Variants in CORO1C observed in about 807,000 individuals in gnomAD.
The protein encoded by CORO1C is coronin 1C.
A neutral mutation model predicts 51.2 loss-of-function variants in CORO1C; 14 were observed. The ratio of observed to expected loss-of-function variants is 0.27; its 90% CI spans 0.18 to 0.43. The LOEUF (loss-of-function observed/expected upper bound fraction) is 0.43. Among genes scored for constraint, CORO1C ranks in the 20% least tolerant of loss-of-function variants. CORO1C has a pLI of 1.00. For missense variants in CORO1C, 417 were observed against 607.8 expected, an observed-to-expected ratio of 0.69 and a Z score of 3.30; for synonymous variants, 181 against 210.5, an observed-to-expected ratio of 0.86 and a Z score of 1.21.
intron 6 of CORO1C, among the ~76,000 whole-genome samples, chr12:108,657,057 T>TAA (rs139589616): frequency 1.3e-5 from 2 of 151,544 alleles, no homozygotes; most frequent in East Asian, 3.9e-4. Flanking sequence ...AAATTAAAAT[T>TAA]AAAAAAAATT....
intron 2 of CORO1C, among the ~76,000 whole-genome samples, chr12:108,690,967 G>A (rs1420231061): frequency 3.3e-5 from 5 of 152,156 alleles, no homozygotes; most frequent in Admixed American, 3.3e-4. Context: ...CTCTGTGAAC[G>A]CTGAAGAGCT....
intron 2 of CORO1C, among the ~76,000 whole-genome samples, chr12:108,697,936 C>A (rs773677935): frequency 6.6e-6 from 1 of 152,184 alleles, no homozygotes; most frequent in African/African-American, 2.4e-5. Flanking sequence ...ATAAGGTAGA[C>A]ATCAAGAAGG....
chr12:108,724,686 A>T (rs1336737723), intron 1 of CORO1C, among the ~76,000 whole-genome samples: 2 of 152,182 alleles, frequency 1.3e-5, no homozygotes, highest in African/African-American at 2.4e-5. Flanking sequence ...GCCAAATATA[A>T]TCCATTATTC....
chr12:108,712,907 T>G (rs2136878309), intron 1 of CORO1C, among the ~76,000 whole-genome samples: 1 of 115,886 alleles, frequency 8.6e-6, no homozygotes, highest in South Asian at 3.4e-4. Flanking sequence ...CAAGATCATG[T>G]CTCTTTAAAA....
chr12:108,727,285 G>A (rs141754823), intron 1 of CORO1C, among the ~76,000 whole-genome samples: 23 of 152,354 alleles, frequency 1.5e-4, no homozygotes, highest in African/African-American at 5.5e-4. Flanking sequence ...ACAAATGTCT[G>A]CCTGTGAGAT....
chr12:108,702,913 T>G lies in CORO1C; in HGVS notation c.-5-1590A>C, dbSNP rs756699217. The G allele has an allele frequency of 4.5e-4, 694 of 1,535,510 alleles. 1 individual carries two copies. The highest frequency in any genetic ancestry group is 5.7e-4 in the Non-Finnish European group (655 of 1,146,604). On this transcript the variant is annotated intron_variant, in intron 1 of 10. Transcript: ENST00000261401. ...CCACGTTCCTTAGCCCAGCTGTTATTGCCAGACTTTCCCAGCTGACTACCA... is the reference window on the plus strand; with the variant it reads ...CCACGTTCCTTAGCCCAGCTGTTATGGCCAGACTTTCCCAGCTGACTACCA...
chr12:108,672,649 T>C (rs2033760642), intron 3 of CORO1C, among the ~76,000 whole-genome samples: 1 of 151,048 alleles, frequency 6.6e-6, no homozygotes, highest in Non-Finnish European at 1.5e-5. Flanking sequence ...TGGTGGTGTT[T>C]TTGTTTTGTT....
intron 5 of CORO1C, among the ~76,000 whole-genome samples, chr12:108,657,780 C>T (rs931699020): frequency 4.6e-5 from 7 of 152,198 alleles, no homozygotes; most frequent in African/African-American, 1.7e-4. Context: ...ATTAGGCATG[C>T]CCTACCATTT....
intron 1 of CORO1C, among the ~76,000 whole-genome samples, chr12:108,715,563 C>T (rs2035305817): frequency 6.6e-6 from 1 of 152,072 alleles, no homozygotes. Context: ...GTCCCTGGAG[C>T]TTTGAAAAAG....
At chr12:108,674,020 A>T (rs1362699162) in intron 3 of CORO1C, among the ~76,000 whole-genome samples, 2 of 152,146 alleles carry the variant, frequency 1.3e-5, no homozygotes, top group African/African-American at 4.8e-5. Context: ...ATTGAGAACC[A>T]CCGATCAGGA....
chr12:108,647,737 G>A (rs1022442973), intron 10 of CORO1C, among the ~76,000 whole-genome samples: 4 of 152,232 alleles, frequency 2.6e-5, no homozygotes, highest in Non-Finnish European at 5.9e-5. Flanking sequence ...CAAAACAACA[G>A]TGTGTCACAG....
chr12:108,657,560 T>G, intron 5 of CORO1C, 137 bp from the exon 6 acceptor site: 3 of 800,960 alleles, frequency 3.7e-6, no homozygotes, highest in South Asian at 3.5e-5. Context: ...GTGTTAACCA[T>G]CCCCCTTCCC....
At chr12:108,686,180 C>T (rs1443908126) in intron 2 of CORO1C, among the ~76,000 whole-genome samples, 4 of 152,180 alleles carry the variant, frequency 2.6e-5, no homozygotes, top group African/African-American at 7.2e-5. Flanking sequence ...TTCGTCTGCA[C>T]GACACATACT....
chr12:108,720,294 A>G (rs2035445722), intron 1 of CORO1C, among the ~76,000 whole-genome samples: 1 of 152,218 alleles, frequency 6.6e-6, no homozygotes, highest in Admixed American at 6.5e-5. Flanking sequence ...TATTCAAGAA[A>G]TCAATTAAGT....
chr12:108,655,207 CCA>C (rs2032886869), intron 6 of CORO1C, among the ~76,000 whole-genome samples: 2 of 152,254 alleles, frequency 1.3e-5, no homozygotes, highest in South Asian at 4.1e-4. Context: ...GTATTTTTCC[CCA>C]CTTAAGCTAA....
chr12:108,730,794 G>C (rs1592963155), intron 1 of CORO1C: 1 of 117,374 alleles, frequency 8.5e-6, no homozygotes, highest in African/African-American at 3.3e-5. Flanking sequence ...GCTCTGCCCC[G>C]CCCCGCCTGA....
intron 1 of CORO1C, chr12:108,702,959 T>C: frequency 6.6e-7 from 1 of 1,521,120 alleles, no homozygotes; most frequent in Non-Finnish European, 8.8e-7. Context: ...TTTTGAGTCT[T>C]TGGTAGAGGA....
intron 3 of CORO1C, among the ~76,000 whole-genome samples, chr12:108,666,113 A>G (rs772506206): frequency 6.6e-6 from 1 of 152,234 alleles, no homozygotes; most frequent in Non-Finnish European, 1.5e-5. Flanking sequence ...CTAAGGATGA[A>G]CAAGACTTAG....
At chr12:108,713,164 T>TA (rs1211892391) in intron 1 of CORO1C, among the ~76,000 whole-genome samples, 1 of 152,202 alleles carries the variant, frequency 6.6e-6, no homozygotes, top group Non-Finnish European at 1.5e-5. Flanking sequence ...ACATTTGCTA[T>TA]AAAGCACAGC....
Sources: allele counts gnomAD v4.1 joint callset (sites outside exome capture counted in the v4.1 genomes callset), GRCh38; gene constraint gnomAD v4.1.1; transcripts MANE v1.5; gene names NCBI Gene and HGNC (gene_info 2026-07-23, HGNC 2026-07-21).